Variants in CSMD1 observed in about 807,000 individuals in gnomAD.
CSMD1 encodes the protein CUB and sushi domain-containing protein 1.
A neutral mutation model predicts 417.5 loss-of-function variants in CSMD1; 213 were observed. That is an observed-to-expected ratio of 0.51 (90% confidence interval 0.46 to 0.57). The LOEUF (loss-of-function observed/expected upper bound fraction) is 0.57. Among genes scored for constraint, CSMD1 ranks in the 20% least tolerant of loss-of-function variants. The probability of loss-of-function intolerance (pLI) is 0.00; values close to 1 mark genes in which losing one functional copy is unlikely to be tolerated. For missense variants in CSMD1, 6,923 were observed against 4,529.7 expected, an observed-to-expected ratio of 1.53 and a Z score of -15.17; for synonymous variants, 2,862 against 1,736.8, an observed-to-expected ratio of 1.65 and a Z score of -16.11.
chr8:4,651,714 C>CTCTAA (rs1803908939), intron 1 of CSMD1, among the ~76,000 whole-genome samples: 1 of 152,166 alleles, frequency 6.6e-6, no homozygotes, highest in African/African-American at 2.4e-5. Flanking sequence ...CAACATGACA[C>CTCTAA]TCTAATTCAC....
chr8:3,114,154 G>T lies in CSMD1; in HGVS notation c.6431-3819C>A, dbSNP rs557708628. 7.9e-5 allele frequency among the ~76,000 whole-genome samples: 12 copies of T among 152,294 alleles called. No individual in the cohort carries two copies. In the East Asian group the frequency reaches 1.9e-3, roughly 25 times the overall value. Reference sequence around the variant, plus strand: ...AGCCACTTGGGAGGCTGAAGTAGGAGGATTGCTTGAGCCTGGCAGGTCAAG... The same window carrying T: ...AGCCACTTGGGAGGCTGAAGTAGGATGATTGCTTGAGCCTGGCAGGTCAAG... On this transcript the variant is annotated intron_variant, in intron 42 of 69. Transcript: ENST00000635120.
At chr8:3,914,435 A>T (rs998865744) in intron 5 of CSMD1, among the ~76,000 whole-genome samples, 1 of 152,132 alleles carries the variant, frequency 6.6e-6, no homozygotes, top group Non-Finnish European at 1.5e-5. Context: ...CATGTTCTAA[A>T]TCTTCTATTT....
At chr8:4,205,525 G>A (rs925414601) in intron 3 of CSMD1, among the ~76,000 whole-genome samples, 1 of 152,118 alleles carries the variant, frequency 6.6e-6, no homozygotes, top group South Asian at 2.1e-4. Flanking sequence ...TCATTTTATG[G>A]ATGATGAAAC....
chr8:4,152,444 G>C (rs572575782), intron 3 of CSMD1, among the ~76,000 whole-genome samples: 1 of 151,926 alleles, frequency 6.6e-6, no homozygotes, highest in South Asian at 2.1e-4. Flanking sequence ...TTTGGCCAAG[G>C]CAAGTGGCTT....
intron 3 of CSMD1, among the ~76,000 whole-genome samples, chr8:4,160,702 C>A (rs539601814): frequency 2.4e-4 from 37 of 152,366 alleles, no homozygotes; most frequent in African/African-American, 7.5e-4. Flanking sequence ...CATGTCTTCA[C>A]TCTTGCCTTG....
At chr8:4,013,208 G>C (rs146259504) in intron 4 of CSMD1, among the ~76,000 whole-genome samples, 1 of 151,900 alleles carries the variant, frequency 6.6e-6, no homozygotes, top group Non-Finnish European at 1.5e-5. Flanking sequence ...CTATCCTCTG[G>C]GATCCTCCGG....
chr8:3,125,230 G>C (rs1002197167), intron 41 of CSMD1, among the ~76,000 whole-genome samples: 2 of 152,216 alleles, frequency 1.3e-5, no homozygotes, highest in Non-Finnish European at 2.9e-5. Flanking sequence ...ATCCTGTTTA[G>C]TGTGAGTGTG....
Position 3,874,138 on chromosome 8 carries a change from C to A in CSMD1, c.819-120096G>T, listed in dbSNP as rs542140770. Among the ~76,000 whole-genome samples, 4 of 152,284 alleles carry A rather than the reference C, an allele frequency of 2.6e-5. No individual in the cohort carries two copies. In the East Asian group the frequency reaches 7.7e-4, roughly 29 times the overall value. On this transcript the variant is annotated intron_variant, in intron 5 of 69. Coordinates refer to ENST00000635120, the MANE Select transcript of CSMD1 (RefSeq NM_033225.6). Reference sequence around the variant, plus strand: ...TCTCTCCAGGAGGCCTACCCCTTCCCCTGGGGATGCAATCTGCTATGTGCT... The same window carrying A: ...TCTCTCCAGGAGGCCTACCCCTTCCACTGGGGATGCAATCTGCTATGTGCT...
chr8:3,500,668 G>T (rs1205143056), intron 10 of CSMD1, among the ~76,000 whole-genome samples: 1 of 152,132 alleles, frequency 6.6e-6, no homozygotes, highest in East Asian at 1.9e-4. Flanking sequence ...AGGAGGGAGT[G>T]ATCACATGTG....
chr8:3,975,533 T>C (rs947820202), intron 5 of CSMD1, among the ~76,000 whole-genome samples: 2 of 152,184 alleles, frequency 1.3e-5, no homozygotes, highest in Non-Finnish European at 2.9e-5. Flanking sequence ...GCTGCTGCCA[T>C]GGCTTCTCCC....
At chr8:3,401,212 A>G (rs928886538) in intron 15 of CSMD1, among the ~76,000 whole-genome samples, 67 of 152,156 alleles carry the variant, frequency 4.4e-4, no homozygotes, top group African/African-American at 1.5e-3. Flanking sequence ...CAGAATTCCA[A>G]AAAAATTATG....
chr8:4,948,786 G>A (rs551165975), intron 1 of CSMD1, among the ~76,000 whole-genome samples: 17 of 152,084 alleles, frequency 1.1e-4, no homozygotes, highest in African/African-American at 3.1e-4. Context: ...AAGTCTTAAC[G>A]TGTTTTTATA....
chr8:3,728,044 T>C (rs2129046675), intron 6 of CSMD1, among the ~76,000 whole-genome samples: 1 of 152,310 alleles, frequency 6.6e-6, no homozygotes, highest in South Asian at 2.1e-4. Context: ...CCCTGAATTG[T>C]ACATTTGAAA....
intron 3 of CSMD1, among the ~76,000 whole-genome samples, chr8:4,146,808 C>T (rs1804164211): frequency 6.7e-6 from 1 of 149,370 alleles, no homozygotes; most frequent in South Asian, 2.1e-4. Context: ...AGACGAGTTT[C>T]ACCGTGTTAG....
intron 7 of CSMD1, among the ~76,000 whole-genome samples, chr8:3,652,145 G>A (rs1343213992): frequency 7.5e-6 from 1 of 132,886 alleles, no homozygotes; most frequent in Non-Finnish European, 1.6e-5. Context: ...CACCATCAGA[G>A]CGCTTACCAC....
intron 37 of CSMD1, among the ~76,000 whole-genome samples, chr8:3,168,908 G>A (rs1179394469): frequency 1.4e-5 from 2 of 147,626 alleles, no homozygotes; most frequent in East Asian, 2.5e-4. Context: ...ACCTTTAGGG[G>A]AAGTAAAATG....
chr8:2,954,297 T>TA (rs764920913), intron 64 of CSMD1, 29 bp from the exon 65 acceptor site: 162 of 1,280,320 alleles, frequency 1.3e-4, no homozygotes, highest in Non-Finnish European at 1.5e-4. Flanking sequence ...ATTATCATTT[T>TA]AAAAAAAACA....
chr8:3,776,869 G>C (rs1279775307), intron 5 of CSMD1, among the ~76,000 whole-genome samples: 2 of 148,786 alleles, frequency 1.3e-5, no homozygotes, highest in East Asian at 2.0e-4. Context: ...GACAAAGATA[G>C]CTGATAGATA....
chr8:4,423,399 AGTTCTACATACTAGCAATGAACAC>A lies in CSMD1; in HGVS notation c.303-3358_303-3335del, dbSNP rs377620548. Reference sequence around the variant, plus strand: ...TAATGAACATACAAAAATCTATTGTAGTTCTACATACTAGCAATGAACACGTTGACATCAAAATCTGAAATACAT... The same window carrying A: ...TAATGAACATACAAAAATCTATTGTAGTTGACATCAAAATCTGAAATACAT... On this transcript the variant is annotated intron_variant, in intron 2 of 69. Coordinates refer to ENST00000635120, the MANE Select transcript of CSMD1 (RefSeq NM_033225.6). Among the ~76,000 whole-genome samples, 118 of 152,248 alleles carry A rather than the reference AGTTCTACATACTAGCAATGAACAC, an allele frequency of 7.8e-4. 1 individual carries two copies. The highest frequency in any genetic ancestry group is 2.6e-3 in the African/African-American group (110 of 41,592).
Sources: allele counts gnomAD v4.1 joint callset (sites outside exome capture counted in the v4.1 genomes callset), GRCh38; gene constraint gnomAD v4.1.1; transcripts MANE v1.5; gene names NCBI Gene and HGNC (gene_info 2026-07-23, HGNC 2026-07-21).